DZANK1: variants seen among roughly 807,000 people sequenced by gnomAD.
DZANK1 encodes the protein double zinc ribbon and ankyrin repeat domains 1, also known as double zinc ribbon and ankyrin repeat-containing protein 1.
In DZANK1, 91 loss-of-function variants were observed where a neutral mutation model predicts 94.5. The observed-to-expected ratio is 0.96, with a 90% CI of 0.81 to 1.15. The LOEUF (loss-of-function observed/expected upper bound fraction) is 1.15. DZANK1 is among the 50% of genes most tolerant of loss of function. The pLI, the probability that DZANK1 is intolerant of heterozygous loss-of-function variation, is 0.00. For missense variants in DZANK1, 903 were observed against 916.4 expected (o/e 0.99, Z 0.19); for synonymous variants, 312 against 325.3 (o/e 0.96, Z 0.44).
At chr20:18,417,034 C>CAAAAAAAAAAAAAAAAAAAAA (rs55889297) in intron 10 of DZANK1, among the ~76,000 whole-genome samples, 1 of 139,898 alleles carries the variant, frequency 7.1e-6, no homozygotes, top group African/African-American at 2.6e-5. Context: ...CAAAAAAAAA[C>CAAAAAAAAAAAAAAAAAAAAA]AAAAAAAAAA....
At position 18,450,636 on chromosome 20, in the gene DZANK1, T is replaced by C. The variant is rs151284425; in HGVS notation, c.544-1567A>G. Among the ~76,000 whole-genome samples the C allele has an allele frequency of 5.3e-5, 8 of 152,328 alleles. No individual in the cohort carries two copies. In the East Asian group the frequency reaches 1.3e-3, roughly 26 times the overall value. On this transcript the variant is annotated intron_variant, in intron 6 of 20. Coordinates refer to ENST00000262547, the Ensembl canonical transcript of DZANK1. The stretch of plus-strand genomic sequence containing the variant: ...GCCTTCAGTCCCTGGGTGATTCTGA[T>C]ATGCAACTGGGTTTGGAAACCATGC...
chr20:18,433,394 T>C (rs142724908), intron 9 of DZANK1: 6 of 373,024 alleles, frequency 1.6e-5, no homozygotes, highest in Non-Finnish European at 3.0e-5. Flanking sequence ...ATATAAAAAT[T>C]AGCCATGCGT....
intron 10 of DZANK1, among the ~76,000 whole-genome samples, chr20:18,423,011 A>C (rs1600917738): frequency 6.6e-6 from 1 of 152,116 alleles, no homozygotes; most frequent in Non-Finnish European, 1.5e-5. Context: ...TTCCATTTAT[A>C]GTCATGCACG....
chr20:18,427,209 G>T lies in DZANK1; in HGVS notation c.862-50C>A, dbSNP rs577601528. The stretch of plus-strand genomic sequence containing the variant: ...CATGTTCCTCTGAGCAAACAACTGT[G>T]CAAAGAAATCATCAACCAGTCTTTT... On this transcript the variant is annotated intron_variant, in intron 9 of 20. Transcript: ENST00000262547. 4.2e-6 allele frequency: 6 copies of T among 1,425,562 alleles called. No homozygotes were observed. The South Asian group carries it at 7.3e-5, about 17-fold the overall frequency. The allele number at this position is 1,425,562 out of a possible 1,614,324, so 88.3% of individuals were successfully genotyped here.
rs148784117 is a variant in DZANK1, at chr20:18,456,326, C to A, written c.264-965G>T. On this transcript the variant is annotated intron_variant, in intron 3 of 20. Transcript: ENST00000262547. ...ATGCAGTAAGAGCTTCATAAGAAGA[C>A]AATGTAGCCGTGCCCATGACTAAAA... 3.3e-3 allele frequency among the ~76,000 whole-genome samples: 496 copies of A among 152,288 alleles called. 3 individuals are homozygous for A. Among genetic ancestry groups the A allele is most frequent in the African/African-American group, 0.011 (465 of 41,560 alleles).
rs1308506798 is a variant in DZANK1, at chr20:18,384,993, C to T, written c.2093+23G>A. 7 of 1,548,070 alleles carry T rather than the reference C, an allele frequency of 4.5e-6. No individual in the cohort carries two copies. The Admixed American group carries it at 7.8e-5, about 17-fold the overall frequency. ...AGATCCCTGTGGCCCTCAAAAGTAT[C>T]CATCAGAGGCCAGGGGACATACCCC... On this transcript the variant is annotated intron_variant, in intron 20 of 20. Transcript: ENST00000262547.
chr20:18,388,523 C>T (rs1244644171), intron 19 of DZANK1, among the ~76,000 whole-genome samples: 1 of 152,230 alleles, frequency 6.6e-6, no homozygotes, highest in African/African-American at 2.4e-5. Context: ...CAACCACAAA[C>T]ATACTTAAAT....
intron 13 of DZANK1, among the ~76,000 whole-genome samples, chr20:18,409,326 G>C (rs2057118005): frequency 6.6e-6 from 1 of 152,206 alleles, no homozygotes; most frequent in South Asian, 2.1e-4. Context: ...AGGTTCAAGG[G>C]ATCCCCAGTA....
At chr20:18,461,762 G>T (rs771248229) in intron 2 of DZANK1, among the ~76,000 whole-genome samples, 94 of 151,992 alleles carry the variant, frequency 6.2e-4, no homozygotes, top group Non-Finnish European at 1.8e-4. Context: ...ACCACGCCCA[G>T]CTAATTTTTG....
chr20:18,389,017 G>C (rs908405659), intron 19 of DZANK1, among the ~76,000 whole-genome samples: 1 of 152,166 alleles, frequency 6.6e-6, no homozygotes, highest in African/African-American at 2.4e-5. Context: ...TTTCAACAAC[G>C]TAGTCGGCAA....
At chr20:18,465,305 C>T (rs2059605820) in exon 2 of DZANK1, 6 of 1,611,820 alleles carry the variant, frequency 3.7e-6, no homozygotes, top group Non-Finnish European at 5.1e-6. Flanking sequence ...CTTTTCCAGG[C>T]TGAGGCACTC....
intron 11 of DZANK1, among the ~76,000 whole-genome samples, chr20:18,414,839 G>A (rs1206949213): frequency 2.6e-5 from 4 of 152,192 alleles, no homozygotes; most frequent in Admixed American, 1.3e-4. Context: ...ACCTTGCTAG[G>A]TGAAAATAAT....
intron 15 of DZANK1, chr20:18,394,596 C>A (rs1473352376): frequency 4.5e-6 from 3 of 666,268 alleles, no homozygotes; most frequent in East Asian, 3.1e-5. Flanking sequence ...CCCCAGCCCC[C>A]TCGTCTCACA....
rs768633299 is a variant in DZANK1 at position 18,460,326 on chromosome 20, A to G, written c.110-20T>C. The G allele has an allele frequency of 2.0e-6, 3 of 1,490,162 alleles. No individual in the cohort carries two copies. The highest frequency in any genetic ancestry group is 2.7e-6 in the Non-Finnish European group (3 of 1,102,308). The allele number at this position is 1,490,162 out of a possible 1,614,324, so 92.3% of individuals were successfully genotyped here. ...GAGTGTCTGAAAAATCCAAAACAGG[A>G]TAACTATAATTAACACCAAAGTAGC... is the stretch of plus-strand genomic sequence containing the variant. On this transcript the variant is annotated intron_variant, in intron 2 of 20. Transcript: ENST00000262547.
At chr20:18,389,312 T>C (rs983570435) in intron 19 of DZANK1, among the ~76,000 whole-genome samples, 7 of 152,188 alleles carry the variant, frequency 4.6e-5, no homozygotes, top group Admixed American at 1.3e-4. Context: ...TCTTTCTGCA[T>C]TAACTTCATG....
At chr20:18,385,165 C>T in intron 19 of DZANK1, 75 bp from the exon 20 acceptor site, 1 of 1,457,756 alleles carries the variant, frequency 6.9e-7, no homozygotes, top group Non-Finnish European at 9.4e-7. Flanking sequence ...GCATGTGACC[C>T]AAGGTCCTGG....
chr20:18,413,580 G>A (rs1476585704), intron 12 of DZANK1, among the ~76,000 whole-genome samples: 1 of 152,116 alleles, frequency 6.6e-6, no homozygotes, highest in Non-Finnish European at 1.5e-5. Context: ...AGGAGTTCGA[G>A]ATCAGCCCGA....
chr20:18,433,706 C>T, exon 9 of DZANK1: 1 of 1,614,072 alleles, frequency 6.2e-7, no homozygotes, highest in Non-Finnish European at 8.5e-7. Flanking sequence ...GGGCCTCACA[C>T]ACCACACAGA....
At chr20:18,447,588 A>G (rs1402520535) in intron 7 of DZANK1, among the ~76,000 whole-genome samples, 1 of 150,888 alleles carries the variant, frequency 6.6e-6, no homozygotes, top group African/African-American at 2.5e-5. Flanking sequence ...TCAGCCTCCC[A>G]AAGTGCTGTG....
Sources: gnomAD v4.1 joint callset for allele counts (sites outside exome capture counted in the v4.1 genomes callset) on GRCh38, gnomAD v4.1.1 for gene constraint, MANE v1.5 for transcripts, NCBI Gene and HGNC (gene_info 2026-07-23, HGNC 2026-07-21) for gene names.